DENND1A: variants seen among roughly 807,000 people sequenced by gnomAD.
The protein encoded by DENND1A is DENN domain-containing protein 1A.
DENND1A carries 51 observed loss-of-function variants against 113.7 expected under a neutral mutation model. The ratio of observed to expected loss-of-function variants is 0.45; its 90% CI spans 0.36 to 0.57. The LOEUF (loss-of-function observed/expected upper bound fraction) is 0.57. Ranked by LOEUF, DENND1A falls within the 20% of genes least tolerant of loss-of-function variation. The pLI is 0.00. For missense variants in DENND1A, 1,258 were observed against 1,395.9 expected (o/e 0.90, Z 1.57); for synonymous variants, 565 against 570.8 (o/e 0.99, Z 0.14).
At chr9:123,916,040 G>A (rs986783452) in intron 1 of DENND1A, among the ~76,000 whole-genome samples, 13 of 151,914 alleles carry the variant, frequency 8.6e-5, no homozygotes, top group African/African-American at 2.4e-4. Flanking sequence ...AAAATCTATC[G>A]CAATGGTATA....
chr9:123,788,280 G>T (rs575657330), intron 3 of DENND1A, among the ~76,000 whole-genome samples: 1 of 151,806 alleles, frequency 6.6e-6, no homozygotes, highest in Admixed American at 6.6e-5. Context: ...AAATCTCTCC[G>T]ATAGGTTATT....
intron 5 of DENND1A, among the ~76,000 whole-genome samples, chr9:123,750,970 G>A (rs2069971033): frequency 6.6e-6 from 1 of 152,108 alleles, no homozygotes. Context: ...TGTCCCCACA[G>A]CCTTCCTCCC....
chr9:123,826,719 C>G (rs1839385063), intron 2 of DENND1A, among the ~76,000 whole-genome samples: 2 of 152,262 alleles, frequency 1.3e-5, no homozygotes, highest in South Asian at 4.2e-4. Context: ...CTGCCATGTT[C>G]CCAAAACCTG....
intron 13 of DENND1A, among the ~76,000 whole-genome samples, chr9:123,503,224 C>T (rs2052640188): frequency 6.6e-6 from 1 of 152,210 alleles, no homozygotes; most frequent in Non-Finnish European, 1.5e-5. Flanking sequence ...GAATATCAGC[C>T]ATGTGACCTT....
intron 5 of DENND1A, among the ~76,000 whole-genome samples, chr9:123,714,184 G>A (rs906900919): frequency 2.0e-5 from 3 of 152,182 alleles, no homozygotes; most frequent in African/African-American, 2.4e-5. Flanking sequence ...TGGGACTAGC[G>A]TCCTCTCACA....
Position 123,381,549 on chromosome 9 carries a change from T to TA in DENND1A, c.3095_3096insT (p.Arg1032SerfsTer5). The TA allele has an allele frequency of 6.2e-7, 1 of 1,613,670 alleles. No homozygotes were observed. ...TCTGTAACAAATCCTCAAAGGGGTC[T>TA]CTGGCCTGTTGAGGAGCAGAGGGCT... On this transcript the variant is annotated frameshift_variant, in exon 24 of 24. Coordinates refer to ENST00000394215, the MANE Select transcript of DENND1A (RefSeq NM_001352964.2). LOFTEE classifies it high-confidence loss of function. This position sits in a 1 kb window ranked among gnomAD's most constrained non-coding sequence, Gnocchi z 4.7.
At position 123,554,150 on chromosome 9, in the gene DENND1A, C is replaced by T. The variant is rs575889588; in HGVS notation, c.993+3420G>A. 4.6e-5 allele frequency among the ~76,000 whole-genome samples: 7 copies of T among 152,318 alleles called. No individual in the cohort carries two copies. The East Asian group carries it at 7.7e-4, about 17-fold the overall frequency. Reference sequence around the variant, plus strand: ...CAGGCTCACTCAAGGCACCATCCTCCCCCCGATGCAGCCAACGCCTCCTCC... The same window carrying T: ...CAGGCTCACTCAAGGCACCATCCTCTCCCCGATGCAGCCAACGCCTCCTCC... On this transcript the variant is annotated intron_variant, in intron 13 of 23. Coordinates refer to ENST00000394215, the MANE Select transcript of DENND1A (RefSeq NM_001352964.2).
At chr9:123,583,095 C>G in intron 12 of DENND1A, 74 bp downstream of exon 12, 1 of 1,133,644 alleles carries the variant, frequency 8.8e-7, no homozygotes, top group East Asian at 2.5e-5. Context: ...CCCTCCTTCC[C>G]CATTCCCCAA....
At chr9:123,843,022 C>T in intron 2 of DENND1A, 1 of 471,710 alleles carries the variant, frequency 2.1e-6, no homozygotes. Flanking sequence ...GAGATAGCCA[C>T]TCAAGAAAAT....
At chr9:123,736,213 C>A (rs965874522) in intron 5 of DENND1A, among the ~76,000 whole-genome samples, 1 of 152,118 alleles carries the variant, frequency 6.6e-6, no homozygotes, top group African/African-American at 2.4e-5. Flanking sequence ...AACACATGAC[C>A]TGTAAGAGCT....
At chr9:123,662,288 G>A (rs1490435742) in intron 8 of DENND1A, among the ~76,000 whole-genome samples, 2 of 152,298 alleles carry the variant, frequency 1.3e-5, no homozygotes, top group Non-Finnish European at 2.9e-5. Flanking sequence ...AGAATAAAGA[G>A]GCTGGACTCA....
intron 11 of DENND1A, among the ~76,000 whole-genome samples, chr9:123,600,456 C>T (rs1477571453): frequency 1.3e-5 from 2 of 152,158 alleles, no homozygotes; most frequent in Non-Finnish European, 2.9e-5. Flanking sequence ...ACAGGGGCAC[C>T]TCTCTCAGAG....
chr9:123,756,034 C>G (rs1810884816), intron 5 of DENND1A, among the ~76,000 whole-genome samples: 1 of 152,176 alleles, frequency 6.6e-6, no homozygotes, highest in Admixed American at 6.5e-5. Context: ...CCTCAGCCTC[C>G]CAAGTAGCTG....
At chr9:123,731,154 T>C (rs200471415) in intron 5 of DENND1A, among the ~76,000 whole-genome samples, 2 of 152,254 alleles carry the variant, frequency 1.3e-5, no homozygotes, top group East Asian at 3.9e-4. Context: ...ATACCTAATG[T>C]AGATGACGGG....
At chr9:123,607,571 T>C (rs1472289699) in intron 11 of DENND1A, among the ~76,000 whole-genome samples, 1 of 135,012 alleles carries the variant, frequency 7.4e-6, no homozygotes, top group Non-Finnish European at 1.6e-5. Context: ...TGTGTGTGTG[T>C]GTGTGTGTGC....
chr9:123,667,157 T>C (rs1299306469), intron 7 of DENND1A, 78 bp from the exon 8 acceptor site: 16 of 1,363,992 alleles, frequency 1.2e-5, no homozygotes, highest in African/African-American at 3.0e-5. Flanking sequence ...AGGTAAATGA[T>C]TGGAAAATAT....
chr9:123,901,878 C>A (rs142709771), intron 1 of DENND1A, among the ~76,000 whole-genome samples: 1 of 151,868 alleles, frequency 6.6e-6, no homozygotes, highest in Non-Finnish European at 1.5e-5. Flanking sequence ...CGGTGGTGGG[C>A]GCCTGTAGTC....
Position 123,380,487 on chromosome 9 carries a change from C to T in DENND1A, c.*945G>A, listed in dbSNP as rs764172127. 6.6e-6 allele frequency: 1 copy of T among 152,426 alleles called. No homozygotes were observed. The highest frequency in any genetic ancestry group is 1.5e-5 in the Non-Finnish European group (1 of 68,048). The allele number at this position is 152,426 out of a possible 1,614,324, so 9.4% of individuals were successfully genotyped here. On this transcript the variant is annotated 3_prime_UTR_variant, in exon 24 of 24. Coordinates refer to ENST00000394215, the MANE Select transcript of DENND1A (RefSeq NM_001352964.2). ...AGGGGCTCAGGGCCACTGCCTCGTT[C>T]CAACCCAGGAAGGCCAGCTGCCTTC...
At chr9:123,789,876 C>T (rs1228461934) in intron 3 of DENND1A, among the ~76,000 whole-genome samples, 1 of 152,098 alleles carries the variant, frequency 6.6e-6, no homozygotes, top group East Asian at 1.9e-4. Flanking sequence ...AAACATCTAG[C>T]AGCAGCAAGC....
Sources: gnomAD v4.1 joint callset for allele counts (sites outside exome capture counted in the v4.1 genomes callset) on GRCh38, gnomAD v4.1.1 for gene constraint, Gnocchi (gnomAD v3.1) non-coding constraint, MANE v1.5 for transcripts, NCBI Gene and HGNC (gene_info 2026-07-23, HGNC 2026-07-21) for gene names.